The following CA8 variants were observed in gnomAD, a reference collection of about 807,000 sequenced individuals.
CA8 encodes carbonic anhydrase-related protein.
Under a neutral mutation model 41.4 loss-of-function variants are expected in CA8, and 22 were observed. The ratio of observed to expected loss-of-function variants is 0.53; its 90% CI spans 0.38 to 0.76. The LOEUF is 0.76. Ranked by LOEUF, CA8 falls within the 30% of genes least tolerant of loss-of-function variation. CA8 has a pLI of 0.00. For missense variants in CA8, 270 were observed against 352.8 expected, an observed-to-expected ratio of 0.77 and a Z score of 1.88; for synonymous variants, 121 against 130.6, an observed-to-expected ratio of 0.93 and a Z score of 0.50.
At chr8:60,215,763 CA>C (rs1806998504) in intron 7 of CA8, among the ~76,000 whole-genome samples, 1 of 152,066 alleles carries the variant, frequency 6.6e-6, no homozygotes, top group Non-Finnish European at 1.5e-5. Flanking sequence ...GTACTCAGGA[CA>C]ATGTATGATG....
rs1172737985 is a variant in CA8 at position 60,186,670 on chromosome 8, T to G, written c.*3351A>C. Among the ~76,000 whole-genome samples, 6 of 151,640 alleles carry G rather than the reference T, an allele frequency of 4.0e-5. 1 individual carries two copies. The East Asian group carries it at 1.2e-3, about 29-fold the overall frequency. On this transcript the variant is annotated 3_prime_UTR_variant, in exon 9 of 9. Coordinates refer to ENST00000317995, the MANE Select transcript of CA8 (RefSeq NM_004056.6). ...TCCAACTATAAGTTGGAGACACACTTTAGATTCAAAAATATAAATAAGTTG... is the reference window on the plus strand; with the variant it reads ...TCCAACTATAAGTTGGAGACACACTGTAGATTCAAAAATATAAATAAGTTG...
At chr8:60,236,587 T>C (rs969264709) in intron 3 of CA8, among the ~76,000 whole-genome samples, 7 of 152,110 alleles carry the variant, frequency 4.6e-5, no homozygotes, top group African/African-American at 1.7e-4. Context: ...AGTGACAAAA[T>C]TTGGGATTTA....
At chr8:60,231,941 T>C (rs1807660775) in intron 4 of CA8, among the ~76,000 whole-genome samples, 1 of 152,212 alleles carries the variant, frequency 6.6e-6, no homozygotes, top group African/African-American at 2.4e-5. Context: ...GTTATTGATT[T>C]TTTTTGTAGA....
At chr8:60,240,747 T>C (rs1002011318) in intron 3 of CA8, among the ~76,000 whole-genome samples, 5 of 151,964 alleles carry the variant, frequency 3.3e-5, no homozygotes, top group African/African-American at 4.8e-5. Flanking sequence ...AATCCAACTA[T>C]AGAAAACTGT....
At position 60,186,264 on chromosome 8, in the gene CA8, G is replaced by A. The variant is rs1445916463; in HGVS notation, c.*3757C>T. 6.6e-6 allele frequency among the ~76,000 whole-genome samples: 1 copy of A among 151,860 alleles called. No individual in the cohort carries two copies. The highest frequency in any genetic ancestry group is 1.5e-5 in the Non-Finnish European group (1 of 67,890). The stretch of plus-strand genomic sequence containing the variant: ...ATGTATAACAATAATAGCACAAAAA[G>A]GGAGAAGAGAGTTCAGAGCTATTTA... On this transcript the variant is annotated 3_prime_UTR_variant, in exon 9 of 9. Coordinates refer to ENST00000317995, the MANE Select transcript of CA8 (RefSeq NM_004056.6).
chr8:60,212,436 T>G (rs1432928910), intron 7 of CA8, among the ~76,000 whole-genome samples: 2 of 152,260 alleles, frequency 1.3e-5, no homozygotes, highest in Non-Finnish European at 2.9e-5. Context: ...GACATTTATG[T>G]GGTTTCCCTG....
intron 3 of CA8, among the ~76,000 whole-genome samples, chr8:60,243,294 C>G (rs551059638): frequency 3.4e-4 from 51 of 152,118 alleles, no homozygotes; most frequent in Non-Finnish European, 6.8e-4. Flanking sequence ...CTCCTCTTTT[C>G]CAGGAGTAAA....
chr8:60,272,312 C>G (rs1804097878), intron 2 of CA8, among the ~76,000 whole-genome samples: 1 of 152,014 alleles, frequency 6.6e-6, no homozygotes, highest in African/African-American at 2.4e-5. Flanking sequence ...GGCTCACACT[C>G]TCTCCCAGAT....
At chr8:60,271,202 G>A (rs187101627) in intron 2 of CA8, among the ~76,000 whole-genome samples, 99 of 152,100 alleles carry the variant, frequency 6.5e-4, no homozygotes, top group African/African-American at 2.2e-3. Context: ...AAATTAGCTG[G>A]GCATGGTGGC....
intron 3 of CA8, among the ~76,000 whole-genome samples, chr8:60,253,720 A>G (rs1808527786): frequency 6.6e-6 from 1 of 152,010 alleles, no homozygotes; most frequent in African/African-American, 2.4e-5. Flanking sequence ...GGAGACCAGC[A>G]TTTCTGCCCT....
intron 8 of CA8, among the ~76,000 whole-genome samples, chr8:60,206,042 T>A (rs1806565449): frequency 6.6e-6 from 1 of 152,194 alleles, no homozygotes; most frequent in Non-Finnish European, 1.5e-5. Flanking sequence ...CAATATAATT[T>A]TTATATAGAA....
At chr8:60,214,422 T>C (rs978713583) in intron 7 of CA8, among the ~76,000 whole-genome samples, 3 of 152,200 alleles carry the variant, frequency 2.0e-5, no homozygotes, top group African/African-American at 7.2e-5. Flanking sequence ...AGGGGACCCA[T>C]TCAGGTGGGT....
At chr8:60,278,065 G>T (rs1337260980) in intron 2 of CA8, among the ~76,000 whole-genome samples, 2 of 152,216 alleles carry the variant, frequency 1.3e-5, no homozygotes, top group Non-Finnish European at 2.9e-5. Context: ...TTCATGGTGA[G>T]AGGGCCCAGA....
intron 7 of CA8, among the ~76,000 whole-genome samples, chr8:60,216,554 CA>C: frequency 6.6e-6 from 1 of 152,254 alleles, no homozygotes. Context: ...GTTTATCTCC[CA>C]ATCATCAGGG....
chr8:60,201,544 G>C (rs1806428900), intron 8 of CA8, among the ~76,000 whole-genome samples: 1 of 152,144 alleles, frequency 6.6e-6, no homozygotes, highest in African/African-American at 2.4e-5. Context: ...CCTGCTGAGA[G>C]ATCCAGTAAA....
Position 60,189,119 on chromosome 8 carries a change from C to A in CA8, c.*902G>T, listed in dbSNP as rs1447130881. 6.6e-6 allele frequency: 1 copy of A among 152,058 alleles called. No individual in the cohort carries two copies. 9.4% of individuals were successfully genotyped at this position (152,058 alleles called of 1,614,324 possible). On this transcript the variant is annotated 3_prime_UTR_variant, in exon 9 of 9. Transcript: ENST00000317995. ...CACCTAAAATAAGGATATTGTTGGT[C>A]ATCTTTAAAGAAATGTCTTAACATA...
chr8:60,254,594 T>C (rs1405104232), intron 3 of CA8, among the ~76,000 whole-genome samples: 2 of 152,238 alleles, frequency 1.3e-5, no homozygotes, highest in African/African-American at 4.8e-5. Flanking sequence ...TAAAAATCAC[T>C]GCAAAATATT....
chr8:60,223,014 C>G (rs897569092), intron 6 of CA8, among the ~76,000 whole-genome samples: 1 of 152,206 alleles, frequency 6.6e-6, no homozygotes, highest in Non-Finnish European at 1.5e-5. Context: ...CAAGTTTAAT[C>G]ACTTTAGAAG....
intron 8 of CA8, among the ~76,000 whole-genome samples, chr8:60,193,255 G>A (rs1806187526): frequency 6.6e-6 from 1 of 152,076 alleles, no homozygotes; most frequent in Non-Finnish European, 1.5e-5. Context: ...CTCAAGAAGT[G>A]AAGATATATC....
Sources: allele counts gnomAD v4.1 joint callset (sites outside exome capture counted in the v4.1 genomes callset), GRCh38; gene constraint gnomAD v4.1.1; transcripts MANE v1.5; gene names NCBI Gene and HGNC (gene_info 2026-07-23, HGNC 2026-07-21).